The following RALYL variants were observed in gnomAD, a reference collection of about 807,000 sequenced individuals.
The protein encoded by RALYL is RALY RNA binding protein like.
A neutral mutation model predicts 35.1 loss-of-function variants in RALYL; 29 were observed. The ratio of observed to expected loss-of-function variants is 0.83; its 90% CI spans 0.61 to 1.13. RALYL has a LOEUF of 1.13. Ranked by LOEUF, RALYL falls within the 50% of genes most tolerant of loss-of-function variation. The pLI is 0.00. For missense variants in RALYL, 359 were observed against 360.4 expected (o/e 1.00, Z 0.03); for synonymous variants, 120 against 127.6 (o/e 0.94, Z 0.40).
chr8:84,867,635 T>A (rs182547723), intron 6 of RALYL, among the ~76,000 whole-genome samples: 1 of 152,352 alleles, frequency 6.6e-6, no homozygotes, highest in East Asian at 1.9e-4. Flanking sequence ...TGAGATCTGC[T>A]ACTTCTGTTA....
chr8:84,483,749 G>T (rs111232489), intron 1 of RALYL, among the ~76,000 whole-genome samples: 3 of 152,178 alleles, frequency 2.0e-5, no homozygotes, highest in African/African-American at 7.2e-5. Flanking sequence ...CAGAGACAAA[G>T]CATGCTGAGT....
chr8:84,194,744 G>A (rs1433092053), intron 1 of RALYL, among the ~76,000 whole-genome samples: 1 of 152,150 alleles, frequency 6.6e-6, no homozygotes, highest in East Asian at 1.9e-4. Flanking sequence ...CAGACTGACT[G>A]AGAAATGCTT....
At chr8:84,616,643 T>A (rs1035702347) in intron 2 of RALYL, among the ~76,000 whole-genome samples, 1 of 151,338 alleles carries the variant, frequency 6.6e-6, no homozygotes, top group Non-Finnish European at 1.5e-5. Context: ...TTGCTTTTGG[T>A]GTTTTAGACA....
chr8:84,356,445 TCATTGCTA>T (rs1851848580), intron 1 of RALYL, among the ~76,000 whole-genome samples: 1 of 150,480 alleles, frequency 6.6e-6, no homozygotes, highest in Non-Finnish European at 1.5e-5. Context: ...GCCTATTGCC[TCATTGCTA>T]CATTGCTACA....
intron 1 of RALYL, among the ~76,000 whole-genome samples, chr8:84,372,430 G>A (rs1704378236): frequency 6.6e-6 from 1 of 152,022 alleles, no homozygotes; most frequent in Non-Finnish European, 1.5e-5. Flanking sequence ...AGCAGCAGCA[G>A]TAGCCTGCAT....
intron 2 of RALYL, among the ~76,000 whole-genome samples, chr8:84,614,471 C>T (rs1818989294): frequency 6.6e-6 from 1 of 151,696 alleles, no homozygotes; most frequent in South Asian, 2.1e-4. Flanking sequence ...TACATCTTCC[C>T]TATTTCTCCA....
rs182665838 is a variant in RALYL, at chr8:84,419,553, T to A, written c.-23-109746T>A. On this transcript the variant is annotated intron_variant, in intron 1 of 8. Coordinates refer to ENST00000521268, the MANE Select transcript of RALYL (RefSeq NM_173848.7). ...AATTTATGGTCTTAACTTTTTTTTT[T>A]TTATTATTATACATTAAGTTTTAGG... is the stretch of plus-strand genomic sequence containing the variant. Among the ~76,000 whole-genome samples, 247 of 152,148 alleles carry A rather than the reference T, an allele frequency of 1.6e-3. 2 individuals carry two copies. The highest frequency in any genetic ancestry group is 4.7e-3 in the African/African-American group (197 of 41,504).
chr8:84,434,345 A>T (rs2047469984), intron 1 of RALYL, among the ~76,000 whole-genome samples: 1 of 152,112 alleles, frequency 6.6e-6, no homozygotes, highest in African/African-American at 2.4e-5. Flanking sequence ...TATGAATTTG[A>T]GGGAGACGCA....
intron 1 of RALYL, among the ~76,000 whole-genome samples, chr8:84,288,719 ATGTAGAGATT>A (rs1563674200): frequency 6.6e-6 from 1 of 152,132 alleles, no homozygotes; most frequent in Non-Finnish European, 1.5e-5. Context: ...AAAAACCTGT[ATGTAGAGATT>A]TGTAAAAGGA....
At chr8:84,593,374 A>G (rs780343099) in intron 2 of RALYL, among the ~76,000 whole-genome samples, 2 of 152,074 alleles carry the variant, frequency 1.3e-5, no homozygotes, top group African/African-American at 2.4e-5. Flanking sequence ...TGCGTCGCCA[A>G]TCTTCAATTT....
chr8:84,751,328 C>T (rs938740977), intron 2 of RALYL, among the ~76,000 whole-genome samples: 2 of 152,234 alleles, frequency 1.3e-5, no homozygotes, highest in South Asian at 4.1e-4. Flanking sequence ...CTGCCTCAGC[C>T]TCCCAAGTAG....
chr8:84,731,019 A>T (rs7834016), intron 2 of RALYL, among the ~76,000 whole-genome samples: 4 of 151,996 alleles, frequency 2.6e-5, no homozygotes, highest in Non-Finnish European at 5.9e-5. Flanking sequence ...ATAGAGGAGA[A>T]GAGAATGTGA....
chr8:84,261,107 G>GTTTT lies in RALYL; in HGVS notation c.-24+76691_-24+76694dup, dbSNP rs1424966634. Reference sequence around the variant, plus strand: ...GTGTAACTACAGTAGTTATTTACAGGTTTTTTTTTTTATAATTTACTCTTT... The same window carrying GTTTT: ...GTGTAACTACAGTAGTTATTTACAGGTTTTTTTTTTTTTTTATAATTTACTCTTT... On this transcript the variant is annotated intron_variant, in intron 1 of 8. Coordinates refer to ENST00000521268, the MANE Select transcript of RALYL (RefSeq NM_173848.7). 2.6e-3 allele frequency among the ~76,000 whole-genome samples: 385 copies of GTTTT among 148,538 alleles called. 2 individuals carry two copies. Among genetic ancestry groups the GTTTT allele is most frequent in the African/African-American group, 6.9e-3 (282 of 40,646 alleles).
chr8:84,825,925 G>A (rs953107475), intron 4 of RALYL, among the ~76,000 whole-genome samples: 5 of 151,906 alleles, frequency 3.3e-5, no homozygotes, highest in Non-Finnish European at 5.9e-5. Context: ...ATAGTGGGCT[G>A]GAAAAAGAAA....
chr8:84,850,049 G>T, intron 5 of RALYL, 22 bp downstream of exon 5: 1 of 1,352,772 alleles, frequency 7.4e-7, no homozygotes, highest in Admixed American at 2.6e-5. Flanking sequence ...TTTCATCCTT[G>T]TTTTCCTATG....
chr8:84,182,854 G>GA (rs1811641415), upstream of RALYL: 1 of 152,906 alleles, frequency 6.5e-6, no homozygotes, highest in African/African-American at 2.4e-5. Flanking sequence ...GAAAATCAGG[G>GA]AAACAAACAA....
intron 2 of RALYL, among the ~76,000 whole-genome samples, chr8:84,545,101 C>G (rs1237230483): frequency 6.6e-6 from 1 of 152,098 alleles, no homozygotes; most frequent in Admixed American, 6.6e-5. Context: ...GGAATTTACA[C>G]TGATATGCAA....
intron 5 of RALYL, among the ~76,000 whole-genome samples, chr8:84,852,524 G>A (rs1563745882): frequency 6.6e-6 from 1 of 152,006 alleles, no homozygotes; most frequent in Non-Finnish European, 1.5e-5. Flanking sequence ...CACTTGCTAC[G>A]AATAAAGTTT....
intron 2 of RALYL, among the ~76,000 whole-genome samples, chr8:84,676,733 A>G (rs1180354955): frequency 6.6e-6 from 1 of 152,222 alleles, no homozygotes. Context: ...GGAAACATAG[A>G]AATGAATGCA....
Sources: gnomAD v4.1 joint callset for allele counts (sites outside exome capture counted in the v4.1 genomes callset) on GRCh38, gnomAD v4.1.1 for gene constraint, MANE v1.5 for transcripts, NCBI Gene and HGNC (gene_info 2026-07-23, HGNC 2026-07-21) for gene names.